COX16: variants seen among roughly 807,000 people sequenced by gnomAD.
The protein encoded by COX16 is cytochrome c oxidase assembly protein COX16 homolog, mitochondrial.
In COX16, 12 loss-of-function variants were observed where a neutral mutation model predicts 15.4. The ratio of observed to expected loss-of-function variants is 0.78; its 90% CI spans 0.50 to 1.26. The LOEUF (loss-of-function observed/expected upper bound fraction) is 1.26, where lower values mean the gene tolerates loss of function less well. COX16 is among the 50% of genes most tolerant of loss of function. The pLI, the probability that COX16 is intolerant of heterozygous loss-of-function variation, is 0.00. For missense variants in COX16, 124 were observed against 127.6 expected, an observed-to-expected ratio of 0.97 and a Z score of 0.14; for synonymous variants, 46 against 41.1, an observed-to-expected ratio of 1.12 and a Z score of -0.46.
chr14:70,336,331 C>T (rs989945247), intron 2 of COX16, among the ~76,000 whole-genome samples: 1 of 152,052 alleles, frequency 6.6e-6, no homozygotes, highest in African/African-American at 2.4e-5. Flanking sequence ...AGACATGGAG[C>T]GGCAGGAGGA....
At position 70,326,402 on chromosome 14, in the gene COX16, G is replaced by GGGTCCTCGAA. The variant is rs1886076463; in HGVS notation, c.242_251dup (p.Arg85SerfsTer10). The GGGTCCTCGAA allele has an allele frequency of 6.3e-7, 1 of 1,599,014 alleles. No homozygotes were observed. The highest frequency in any genetic ancestry group is 1.1e-5 in the South Asian group (1 of 88,500). ...GGAGGTCAGGATCTTCCCAAGGCCTGGGTCCTCGAATATTCTTCCAGTCAT... is the reference window on the plus strand; with the variant it reads ...GGAGGTCAGGATCTTCCCAAGGCCTGGGTCCTCGAAGGTCCTCGAATATTCTTCCAGTCAT... On this transcript the variant is annotated frameshift_variant, in exon 4 of 4. Coordinates refer to ENST00000389912, the MANE Select transcript of COX16 (RefSeq NM_016468.7). LOFTEE classifies it high-confidence loss of function.
At chr14:70,359,325 A>G (rs1369429300) in intron 1 of COX16, 194 bp downstream of exon 1, 1 of 660,250 alleles carries the variant, frequency 1.5e-6, no homozygotes. Flanking sequence ...GGAGTGGGGG[A>G]CAGCGGCGGG....
intron 1 of COX16, among the ~76,000 whole-genome samples, chr14:70,353,327 A>T (rs1194293679): frequency 6.7e-6 from 1 of 149,710 alleles, no homozygotes; most frequent in Non-Finnish European, 1.5e-5. Context: ...AAGCTGAAAG[A>T]TGTAGCCATT....
At chr14:70,342,628 C>A (rs761960279) in intron 2 of COX16, 30 bp downstream of exon 2, 1 of 1,602,496 alleles carries the variant, frequency 6.2e-7, no homozygotes, top group Non-Finnish European at 8.5e-7. Context: ...TATAGACAGA[C>A]ACATGTCAAA....
intron 1 of COX16, among the ~76,000 whole-genome samples, chr14:70,342,972 T>C (rs1261542015): frequency 6.6e-6 from 1 of 152,244 alleles, no homozygotes; most frequent in Non-Finnish European, 1.5e-5. Flanking sequence ...TTTGACCTTA[T>C]GATTTAAATG....
intron 1 of COX16, among the ~76,000 whole-genome samples, chr14:70,345,862 C>G (rs541128870): frequency 7.9e-5 from 12 of 152,134 alleles, no homozygotes; most frequent in African/African-American, 2.9e-4. Context: ...CCCCTCCCAA[C>G]CCCTACCTTT....
In COX16 at chr14:70,326,119, C is replaced by T; in HGVS notation, c.*214G>A. 1 of 302,020 alleles carries T rather than the reference C, an allele frequency of 3.3e-6. No individual in the cohort carries two copies. The highest frequency in any genetic ancestry group is 5.9e-6 in the Non-Finnish European group (1 of 169,514). 18.7% of individuals were successfully genotyped at this position (302,020 alleles called of 1,614,324 possible). ...ATTTCGAGGTGTAAAATATACGTGGCCAACATTGTTACTTTCATCCACAGA... is the reference window on the plus strand; with the variant it reads ...ATTTCGAGGTGTAAAATATACGTGGTCAACATTGTTACTTTCATCCACAGA... On this transcript the variant is annotated 3_prime_UTR_variant, in exon 4 of 4. Transcript: ENST00000389912.
At chr14:70,327,544 A>C (rs1244306136) in intron 3 of COX16, among the ~76,000 whole-genome samples, 1 of 152,164 alleles carries the variant, frequency 6.6e-6, no homozygotes, top group Non-Finnish European at 1.5e-5. Flanking sequence ...TAGTTTTACC[A>C]GGAGTCTGTA....
At chr14:70,327,930 G>A (rs574113949) in intron 3 of COX16, among the ~76,000 whole-genome samples, 1 of 152,166 alleles carries the variant, frequency 6.6e-6, no homozygotes, top group Admixed American at 6.5e-5. Context: ...GAAATGCTGA[G>A]AAAAAACAGT....
intron 1 of COX16, among the ~76,000 whole-genome samples, chr14:70,343,180 T>C (rs368773978): frequency 6.6e-6 from 1 of 152,348 alleles, no homozygotes; most frequent in East Asian, 1.9e-4. Context: ...TCTTCCTTAG[T>C]AAGTAATGAA....
At chr14:70,357,158 C>CAAA (rs4048531) in intron 1 of COX16, among the ~76,000 whole-genome samples, 47 of 78,700 alleles carry the variant, frequency 6.0e-4, no homozygotes, top group African/African-American at 1.8e-3. Context: ...AAGCGTTTGT[C>CAAA]AAAAAAAAAA....
rs369794164 is a variant in COX16 at position 70,327,255 on chromosome 14, C to G, written c.205-806G>C. On this transcript the variant is annotated intron_variant, in intron 3 of 3. Transcript: ENST00000389912. ...TTGGATACTAAGCATTACTCTCTTACTAACTAGCTATATAACCTTTGGAAA... is the reference window on the plus strand; with the variant it reads ...TTGGATACTAAGCATTACTCTCTTAGTAACTAGCTATATAACCTTTGGAAA... 2.0e-5 allele frequency among the ~76,000 whole-genome samples: 3 copies of G among 152,188 alleles called. No individual in the cohort carries two copies. In the South Asian group the frequency reaches 6.2e-4, roughly 31 times the overall value.
intron 1 of COX16, among the ~76,000 whole-genome samples, chr14:70,344,358 A>G (rs965147478): frequency 2.0e-5 from 3 of 152,268 alleles, no homozygotes; most frequent in African/African-American, 7.2e-5. Flanking sequence ...GAGTCAAACC[A>G]TGAACTGAAT....
intron 2 of COX16, among the ~76,000 whole-genome samples, chr14:70,335,265 A>G (rs567648478): frequency 3.9e-5 from 6 of 152,342 alleles, no homozygotes; most frequent in African/African-American, 1.4e-4. Flanking sequence ...GATTTCAACA[A>G]CCTACTTTTG....
intron 1 of COX16, among the ~76,000 whole-genome samples, chr14:70,354,207 A>C (rs144677463): frequency 1.4e-4 from 21 of 152,352 alleles, no homozygotes; most frequent in African/African-American, 5.1e-4. Flanking sequence ...AATGAAATAA[A>C]AACAACATAA....
Position 70,359,559 on chromosome 14 carries a change from A to G in COX16, c.29T>C (p.Phe10Ser). MFAPAVMRA[F>S]RKNKTLGYGV... is the part of the protein sequence containing the mutation. ...ATAGCCGAGAGTCTTGTTCTTGCGA[A>G]AAGCACGCATCACCGCGGGTGCAAA... Residue 10 changes from phenylalanine (F) to serine (S), a missense_variant, in exon 1 of 4, where the codon TTT (phenylalanine) becomes TCT (serine). Phe to Ser is a radical substitution (Grantham distance 155, BLOSUM62 -2). Transcript: ENST00000389912. 1 of 1,614,124 alleles carries G rather than the reference A, an allele frequency of 6.2e-7. No individual in the cohort carries two copies. The highest frequency in any genetic ancestry group is 8.5e-7 in the Non-Finnish European group (1 of 1,179,998).
chr14:70,349,932 C>T (rs1297609840), intron 1 of COX16, among the ~76,000 whole-genome samples: 4 of 152,204 alleles, frequency 2.6e-5, no homozygotes, highest in Non-Finnish European at 5.9e-5. Flanking sequence ...CCAGATGATG[C>T]TCCTGATACA....
chr14:70,355,904 T>C (rs1002012017), intron 1 of COX16, among the ~76,000 whole-genome samples: 2 of 152,066 alleles, frequency 1.3e-5, no homozygotes, highest in Admixed American at 6.5e-5. Context: ...ATTAGTTCCC[T>C]TGAGAGCTGG....
At chr14:70,339,511 A>C (rs1457541193) in intron 2 of COX16, among the ~76,000 whole-genome samples, 2 of 152,038 alleles carry the variant, frequency 1.3e-5, no homozygotes, top group Non-Finnish European at 2.9e-5. Flanking sequence ...TCCTTTTCCA[A>C]ACTTCTCAAC....
Sources: allele counts gnomAD v4.1 joint callset (sites outside exome capture counted in the v4.1 genomes callset), GRCh38; gene constraint gnomAD v4.1.1; transcripts MANE v1.5; gene names NCBI Gene and HGNC (gene_info 2026-07-23, HGNC 2026-07-21).